Variants in EPC2 observed in about 807,000 individuals in gnomAD.
EPC2 encodes enhancer of polycomb 2.
A neutral mutation model predicts 92.1 loss-of-function variants in EPC2; 14 were observed. The ratio of observed to expected loss-of-function variants is 0.15; its 90% CI spans 0.10 to 0.24. EPC2 has a LOEUF of 0.24. EPC2 is among the 10% of genes least tolerant of loss of function. The pLI, the probability that EPC2 is intolerant of heterozygous loss-of-function variation, is 1.00. For synonymous variants in EPC2, 340 were observed against 334.7 expected, an observed-to-expected ratio of 1.02 and a Z score of -0.17; for missense variants, 755 against 971.5, an observed-to-expected ratio of 0.78 and a Z score of 2.96.
At chr2:148,668,650 T>C (rs1231632621) in intron 1 of EPC2, among the ~76,000 whole-genome samples, 1 of 152,222 alleles carries the variant, frequency 6.6e-6, no homozygotes, top group Non-Finnish European at 1.5e-5. Context: ...AAGTGAGCTT[T>C]GATTACTTCT....
chr2:148,694,033 G>A (rs944793083), intron 2 of EPC2, among the ~76,000 whole-genome samples: 1 of 152,080 alleles, frequency 6.6e-6, no homozygotes, highest in Admixed American at 6.5e-5. Flanking sequence ...CATGTGGTTA[G>A]GTGTGCAGTT....
intron 1 of EPC2, among the ~76,000 whole-genome samples, chr2:148,673,400 CA>C (rs1681194711): frequency 1.3e-5 from 2 of 152,166 alleles, no homozygotes. Context: ...TCCTCTGACT[CA>C]AAAATTTCAA....
intron 1 of EPC2, among the ~76,000 whole-genome samples, chr2:148,645,850 G>A (rs1458037797): frequency 6.6e-6 from 1 of 152,244 alleles, no homozygotes; most frequent in East Asian, 1.9e-4. Flanking sequence ...GCCGTGCTCC[G>A]TGCGCAACGT....
At chr2:148,771,572 G>A (rs1405883235) in intron 10 of EPC2, among the ~76,000 whole-genome samples, 185 bp downstream of exon 10, 2 of 151,824 alleles carry the variant, frequency 1.3e-5, no homozygotes, top group Non-Finnish European at 1.5e-5. Context: ...CATCTGTTTC[G>A]GGTGTGTGCC....
intron 2 of EPC2, among the ~76,000 whole-genome samples, chr2:148,691,032 A>C (rs1681634739): frequency 6.6e-6 from 1 of 152,158 alleles, no homozygotes; most frequent in Non-Finnish European, 1.5e-5. Context: ...TCAGAATCAA[A>C]TCTAATGCCT....
At chr2:148,765,479 GTTAATATAT>G (rs1683389873) in intron 7 of EPC2, among the ~76,000 whole-genome samples, 1 of 152,096 alleles carries the variant, frequency 6.6e-6, no homozygotes, top group Admixed American at 6.5e-5. Flanking sequence ...TTTTAAGACA[GTTAATATAT>G]AATTGTAAAT....
chr2:148,770,030 TTATA>T (rs548502402), intron 8 of EPC2, among the ~76,000 whole-genome samples: 150 of 152,156 alleles, frequency 9.9e-4, no homozygotes, highest in African/African-American at 3.5e-3. Context: ...GTTTGTTTCT[TTATA>T]TTTATTTATT....
chr2:148,679,718 TC>T (rs1681354519), intron 1 of EPC2, among the ~76,000 whole-genome samples: 1 of 152,162 alleles, frequency 6.6e-6, no homozygotes, highest in African/African-American at 2.4e-5. Context: ...CAGTCACAGC[TC>T]ACTGCAGCCT....
chr2:148,660,811 A>AT lies in EPC2; in HGVS notation c.153+15652dup, dbSNP rs926061054. ...GAGATGCTACCTCCATCCTATTTGA[A>AT]TTTTTTTTTTTAGCTCATTTGGTGT... On this transcript the variant is annotated intron_variant, in intron 1 of 13. Coordinates refer to ENST00000258484, the MANE Select transcript of EPC2 (RefSeq NM_015630.4). 1.0e-3 allele frequency among the ~76,000 whole-genome samples: 149 copies of AT among 145,896 alleles called. 1 individual carries two copies. Among genetic ancestry groups the AT allele is most frequent in the South Asian group, 1.5e-3 (7 of 4,658 alleles).
intron 2 of EPC2, among the ~76,000 whole-genome samples, chr2:148,720,967 ATATC>A (rs1249919200): frequency 4.6e-5 from 7 of 152,272 alleles, no homozygotes; most frequent in African/African-American, 1.7e-4. Flanking sequence ...CATTAAGACT[ATATC>A]TGTCTGTATG....
At chr2:148,653,591 G>T (rs1680728897) in intron 1 of EPC2, among the ~76,000 whole-genome samples, 1 of 152,102 alleles carries the variant, frequency 6.6e-6, no homozygotes, top group Non-Finnish European at 1.5e-5. Flanking sequence ...CTTCTTTTAG[G>T]TTTTTTGTTT....
intron 1 of EPC2, among the ~76,000 whole-genome samples, chr2:148,676,590 A>G (rs1446700093): frequency 2.0e-5 from 3 of 152,090 alleles, no homozygotes; most frequent in Admixed American, 2.0e-4. Flanking sequence ...TCCTTTCTCT[A>G]CATATATATG....
chr2:148,684,165 G>A (rs1039271599), intron 1 of EPC2, among the ~76,000 whole-genome samples: 2 of 152,068 alleles, frequency 1.3e-5, no homozygotes, highest in Non-Finnish European at 2.9e-5. Context: ...TCTTTCTTTT[G>A]AGAATTGTCC....
chr2:148,698,904 ACTGT>A (rs1048375640), intron 2 of EPC2, among the ~76,000 whole-genome samples: 8 of 149,154 alleles, frequency 5.4e-5, no homozygotes, highest in Non-Finnish European at 1.2e-4. Context: ...TTTTTCACTG[ACTGT>A]CATAGAGTAA....
chr2:148,737,681 A>G (rs1411847920), intron 2 of EPC2, among the ~76,000 whole-genome samples: 2 of 152,172 alleles, frequency 1.3e-5, no homozygotes, highest in Non-Finnish European at 2.9e-5. Context: ...TGAATGAGGG[A>G]AAGAGTAACT....
chr2:148,723,635 G>A (rs1020344131), intron 2 of EPC2, among the ~76,000 whole-genome samples: 6 of 152,194 alleles, frequency 3.9e-5, no homozygotes, highest in African/African-American at 1.4e-4. Flanking sequence ...TTAAGATGGG[G>A]TGGCAACTTC....
chr2:148,763,544 G>A (rs1032113829), intron 6 of EPC2, among the ~76,000 whole-genome samples: 1 of 152,152 alleles, frequency 6.6e-6, no homozygotes, highest in Non-Finnish European at 1.5e-5. Context: ...AAATGACCTA[G>A]GGTGTTTGTG....
In EPC2 at chr2:148,735,702, GTAT is replaced by G. The variant is rs552588759; in HGVS notation, c.314-7916_314-7914del. ...AGCATAGTTATAATATTATCTAAAA[GTAT>G]TATAGTAATACTATTAATATGTAAT... is the stretch of plus-strand genomic sequence containing the variant. On this transcript the variant is annotated intron_variant, in intron 2 of 13. Transcript: ENST00000258484. 2.4e-4 allele frequency among the ~76,000 whole-genome samples: 36 copies of G among 151,716 alleles called. 1 individual carries two copies. In the East Asian group the frequency reaches 6.6e-3, roughly 28 times the overall value.
intron 7 of EPC2, among the ~76,000 whole-genome samples, chr2:148,768,575 T>C (rs982453010): frequency 7.2e-5 from 11 of 152,214 alleles, no homozygotes; most frequent in Non-Finnish European, 1.5e-4. Context: ...TTTCTCTTCT[T>C]CTTTTCTACT....
Sources: allele counts gnomAD v4.1 joint callset (sites outside exome capture counted in the v4.1 genomes callset), GRCh38; gene constraint gnomAD v4.1.1; transcripts MANE v1.5; gene names NCBI Gene and HGNC (gene_info 2026-07-23, HGNC 2026-07-21).